Variants in PPP2R3A observed in about 807,000 individuals in gnomAD.
PPP2R3A encodes the protein serine/threonine-protein phosphatase 2A regulatory subunit B'' subunit alpha.
PPP2R3A carries 80 observed loss-of-function variants against 106.9 expected under a neutral mutation model. The observed-to-expected ratio is 0.75, with a 90% CI of 0.62 to 0.90. PPP2R3A has a LOEUF of 0.90. PPP2R3A is among the 40% of genes least tolerant of loss of function. The probability of loss-of-function intolerance (pLI) is 0.00; values close to 1 mark genes in which losing one functional copy is unlikely to be tolerated. For missense variants in PPP2R3A, 1,386 were observed against 1,350.4 expected, an observed-to-expected ratio of 1.03 and a Z score of -0.41; for synonymous variants, 483 against 468.3, an observed-to-expected ratio of 1.03 and a Z score of -0.41.
At chr3:136,106,112 T>C in intron 12 of PPP2R3A, 104 bp from the exon 13 acceptor site, 1 of 942,962 alleles carries the variant, frequency 1.1e-6, no homozygotes, top group Non-Finnish European at 1.6e-6. Flanking sequence ...TGAAACATTT[T>C]TCAGGTAGGA....
chr3:136,135,094 G>GTGTGCC (rs112959285), intron 13 of PPP2R3A, among the ~76,000 whole-genome samples: 5,012 of 152,164 alleles, frequency 0.033, 293 homozygotes, highest in African/African-American at 0.11. Flanking sequence ...GAACGTGCCA[G>GTGTGCC]TGGAAGGAAG....
Position 136,082,384 on chromosome 3 carries a change from C to T in PPP2R3A, c.2751C>T (p.Tyr917=). 2.5e-6 allele frequency: 4 copies of T among 1,613,880 alleles called. No individual in the cohort carries two copies. The highest frequency in any genetic ancestry group is 1.1e-5 in the South Asian group (1 of 91,080). Residue 917 remains tyrosine (Y), a synonymous_variant, in exon 8 of 14, where the codon TAC becomes TAT. Coordinates refer to ENST00000264977, the MANE Select transcript of PPP2R3A (RefSeq NM_002718.5). The part of the protein sequence containing the change: ...FWELDTDHDL[Y]ISQADLSRYN... ...AACTAGATACTGATCACGACCTCTA[C>T]ATCAGCCAGGCCGATCTGTCTCGAT...
chr3:136,100,745 T>G (rs1156442776), intron 10 of PPP2R3A, among the ~76,000 whole-genome samples: 1 of 151,268 alleles, frequency 6.6e-6, no homozygotes, highest in Non-Finnish European at 1.5e-5. Flanking sequence ...TTGGGAAGAT[T>G]GCTTGAGGCC....
intron 12 of PPP2R3A, among the ~76,000 whole-genome samples, chr3:136,103,850 A>C (rs1937445445): frequency 6.6e-6 from 1 of 152,194 alleles, no homozygotes; most frequent in South Asian, 2.1e-4. Flanking sequence ...TTCACGTGTT[A>C]ATGATTGCCG....
chr3:136,015,084 A>G (rs1428718225), intron 2 of PPP2R3A, among the ~76,000 whole-genome samples: 1 of 152,130 alleles, frequency 6.6e-6, no homozygotes, highest in Non-Finnish European at 1.5e-5. Flanking sequence ...TGAAATGATC[A>G]TGTGATTTTT....
rs758590006 is a variant in PPP2R3A, at chr3:136,002,970, A to C, written c.1472A>C (p.Lys491Thr). ...GAAGACTGTAAATCAAAAGTTTCTAAATTTGAAGAGGGAGACCAGAGAGAT... is the reference window on the plus strand; with the variant it reads ...GAAGACTGTAAATCAAAAGTTTCTACATTTGAAGAGGGAGACCAGAGAGAT... ...PKEDCKSKVS[K>T]FEEGDQRDFT... Residue 491 changes from lysine (K) to threonine (T), a missense_variant, in exon 2 of 14, where the codon AAA (lysine) becomes ACA (threonine). Physicochemically the swap from Lys to Thr is moderately conservative, Grantham distance 78. Transcript: ENST00000264977. 6.2e-7 allele frequency: 1 copy of C among 1,612,754 alleles called. No individual in the cohort carries two copies. Among genetic ancestry groups the C allele is most frequent in the Non-Finnish European group, 8.5e-7 (1 of 1,179,642 alleles).
chr3:136,147,708 AAACT>A lies in PPP2R3A; in HGVS notation c.*2545_*2548del, dbSNP rs770951270. ...ATAGCATAACATTACCAAGGTAATC[AAACT>A]AATAAAATTCCATATATCTTCCCTG... On this transcript the variant is annotated 3_prime_UTR_variant, in exon 14 of 14. Coordinates refer to ENST00000264977, the MANE Select transcript of PPP2R3A (RefSeq NM_002718.5). The A allele has an allele frequency of 3.9e-5, 6 of 152,318 alleles. No homozygotes were observed. The highest frequency in any genetic ancestry group is 8.8e-5 in the Non-Finnish European group (6 of 68,048). The allele number at this position is 152,318 out of a possible 1,614,324, so 9.4% of individuals were successfully genotyped here. A position where few individuals can be genotyped will look rare whatever the true frequency, so the allele number is the denominator to read the frequency against.
chr3:136,113,281 G>A (rs758691099), intron 13 of PPP2R3A, among the ~76,000 whole-genome samples: 6 of 152,226 alleles, frequency 3.9e-5, no homozygotes, highest in South Asian at 2.1e-4. Flanking sequence ...CACAGACTGC[G>A]TGGAACAAGA....
At chr3:135,981,229 G>A (rs923514117) in intron 1 of PPP2R3A, among the ~76,000 whole-genome samples, 2 of 151,692 alleles carry the variant, frequency 1.3e-5, no homozygotes, top group South Asian at 2.1e-4. Flanking sequence ...TCTTGTTGGC[G>A]GTGTTTCTTG....
At chr3:136,085,262 G>C (rs1182187550) in intron 8 of PPP2R3A, among the ~76,000 whole-genome samples, 1 of 152,160 alleles carries the variant, frequency 6.6e-6, no homozygotes, top group Non-Finnish European at 1.5e-5. Flanking sequence ...AGTCTCATGA[G>C]AGCTCATGGT....
intron 2 of PPP2R3A, among the ~76,000 whole-genome samples, chr3:136,018,842 GCCTAT>G (rs1934367692): frequency 6.6e-6 from 1 of 152,208 alleles, no homozygotes; most frequent in African/African-American, 2.4e-5. Context: ...ATGCCCAGCA[GCCTAT>G]CCTACCCGGT....
Position 136,002,725 on chromosome 3 carries a change from C to G in PPP2R3A, c.1227C>G (p.Asp409Glu), listed in dbSNP as rs146154215. ...TMNPLENVSSDDLMETLYIEE... is the reference protein window; with the variant it reads ...TMNPLENVSSEDLMETLYIEE... Reference sequence around the variant, plus strand: ...ATCCTTTAGAAAATGTTTCTTCTGACGACTTAATGGAAACTCTTTATATTG... The same window carrying G: ...ATCCTTTAGAAAATGTTTCTTCTGAGGACTTAATGGAAACTCTTTATATTG... The change falls in exon 2 of 14, where the codon GAC becomes GAG. Residue 409 changes from aspartate to glutamate, a missense_variant. Physicochemically the swap from Asp to Glu is conservative, Grantham distance 45 (BLOSUM62 2). Coordinates refer to ENST00000264977, the MANE Select transcript of PPP2R3A (RefSeq NM_002718.5). 5 of 1,612,480 alleles carry G rather than the reference C, an allele frequency of 3.1e-6. No homozygotes were observed. In the African/African-American group the frequency reaches 4.0e-5, roughly 13 times the overall value.
intron 5 of PPP2R3A, among the ~76,000 whole-genome samples, chr3:136,067,402 C>G (rs903848003): frequency 6.6e-6 from 1 of 152,094 alleles, no homozygotes; most frequent in Non-Finnish European, 1.5e-5. Flanking sequence ...GAGACAGAAA[C>G]AAAGTGAGTC....
intron 6 of PPP2R3A, among the ~76,000 whole-genome samples, chr3:136,075,615 A>C (rs1224744668): frequency 1.3e-5 from 2 of 152,206 alleles, no homozygotes. Flanking sequence ...AGATTTTAAA[A>C]ATTCAAAAAG....
chr3:136,101,993 T>C lies in PPP2R3A; in HGVS notation c.2928-14T>C. On this transcript the variant is annotated splice_polypyrimidine_tract_variant and intron_variant, in intron 10 of 13. Coordinates refer to ENST00000264977, the MANE Select transcript of PPP2R3A (RefSeq NM_002718.5). Reference sequence around the variant, plus strand: ...TTTACCAGGCCCATGATAATGATTGTCCTTATCATCTAGCATTGAGTATTG... The same window carrying C: ...TTTACCAGGCCCATGATAATGATTGCCCTTATCATCTAGCATTGAGTATTG... 6.2e-7 allele frequency: 1 copy of C among 1,608,824 alleles called. No individual in the cohort carries two copies. Among genetic ancestry groups the C allele is most frequent in the Non-Finnish European group, 8.5e-7 (1 of 1,176,372 alleles).
intron 2 of PPP2R3A, among the ~76,000 whole-genome samples, chr3:136,013,807 G>GTTTACTCTGCTGA (rs60213766): frequency 6.6e-5 from 10 of 151,600 alleles, no homozygotes; most frequent in African/African-American, 1.5e-4. Flanking sequence ...GCTGTGGTTT[G>GTTTACTCTGCTGA]TTATTTCTTT....
chr3:136,116,679 C>T (rs555659388), intron 13 of PPP2R3A, among the ~76,000 whole-genome samples: 2 of 152,308 alleles, frequency 1.3e-5, no homozygotes, highest in South Asian at 2.1e-4. Flanking sequence ...ATCAGTGCAA[C>T]AAGAAGAGCT....
At chr3:136,113,653 A>T (rs1422824716) in intron 13 of PPP2R3A, among the ~76,000 whole-genome samples, 1 of 151,970 alleles carries the variant, frequency 6.6e-6, no homozygotes, top group African/African-American at 2.4e-5. Flanking sequence ...AAAACAAAAC[A>T]GTGTGGTAGC....
intron 10 of PPP2R3A, among the ~76,000 whole-genome samples, chr3:136,098,202 G>C (rs1184391714): frequency 6.6e-6 from 1 of 152,196 alleles, no homozygotes; most frequent in African/African-American, 2.4e-5. Flanking sequence ...TCTGGTCCCA[G>C]CTAGTCTGGA....
Sources: gnomAD v4.1 joint callset for allele counts (sites outside exome capture counted in the v4.1 genomes callset) on GRCh38, gnomAD v4.1.1 for gene constraint, MANE v1.5 for transcripts, NCBI Gene and HGNC (gene_info 2026-07-23, HGNC 2026-07-21) for gene names.